Variants in HDAC2 observed in about 807,000 individuals in gnomAD.
HDAC2 encodes histone deacetylase 2, also known as YY1-associated factor 1.
In HDAC2, 5 loss-of-function variants were observed where a neutral mutation model predicts 68.5. The ratio of observed to expected loss-of-function variants is 0.07; its 90% CI spans 0.04 to 0.15. The LOEUF (loss-of-function observed/expected upper bound fraction) is 0.15. Ranked by LOEUF, HDAC2 falls within the 10% of genes least tolerant of loss-of-function variation. The pLI, the probability that HDAC2 is intolerant of heterozygous loss-of-function variation, is 1.00. For missense variants in HDAC2, 291 were observed against 600.8 expected (o/e 0.48, Z 5.39); for synonymous variants, 182 against 191.3 (o/e 0.95, Z 0.40).
chr6:113,965,569 C>T (rs961400048), intron 1 of HDAC2, among the ~76,000 whole-genome samples: 3 of 152,112 alleles, frequency 2.0e-5, no homozygotes, highest in South Asian at 2.1e-4. Context: ...GAGAGGGTTT[C>T]GCCATGTTGG....
chr6:113,957,768 G>T (rs944250004), intron 3 of HDAC2, among the ~76,000 whole-genome samples: 27 of 152,042 alleles, frequency 1.8e-4, no homozygotes, highest in African/African-American at 6.3e-4. Context: ...GATTACAGGC[G>T]TGAGCCACCA....
At chr6:113,966,034 G>GA (rs1427361748) in intron 1 of HDAC2, among the ~76,000 whole-genome samples, 1 of 151,922 alleles carries the variant, frequency 6.6e-6, no homozygotes, top group East Asian at 1.9e-4. Context: ...CTTTGAAAAG[G>GA]AAAAAAGAAA....
In HDAC2 at chr6:113,955,974, C is replaced by CTTTATCACTG. The variant is rs1776544481; in HGVS notation, c.497+29_497+38dup. ...TATTTATTGTGTTTTAATGAAAACA[C>CTTTATCACTG]TTTATCACTGAAAAGAGTATCAATA... On this transcript the variant is annotated intron_variant, in intron 5 of 13. Transcript: ENST00000519065. The CTTTATCACTG allele has an allele frequency of 7.5e-6, 11 of 1,474,516 alleles. No individual in the cohort carries two copies. In the East Asian group the frequency reaches 2.6e-4, roughly 35 times the overall value. 91.3% of individuals were successfully genotyped at this position (1,474,516 alleles called of 1,614,324 possible).
chr6:113,966,482 G>C (rs1395916721), intron 1 of HDAC2, among the ~76,000 whole-genome samples: 1 of 151,570 alleles, frequency 6.6e-6, no homozygotes, highest in Non-Finnish European at 1.5e-5. Context: ...AACCCGGGAG[G>C]GTAGTGGAGG....
chr6:113,933,233 A>G lies in HDAC2; in HGVS notation c.*7825T>C, dbSNP rs552955608. The G allele has an allele frequency of 4.6e-5, 7 of 152,204 alleles. No individual in the cohort carries two copies. The highest frequency in any genetic ancestry group is 1.0e-4 in the Non-Finnish European group (7 of 68,036). The allele number at this position is 152,204 out of a possible 1,614,324, so 9.4% of individuals were successfully genotyped here. On this transcript the variant is annotated 3_prime_UTR_variant, in exon 14 of 14. Transcript: ENST00000519065. The stretch of plus-strand genomic sequence containing the variant: ...GTAATGAGAGAAATTGAAATCATGC[A>G]TTACCTGACTGGGTGCACTGAGAAC...
intron 1 of HDAC2, among the ~76,000 whole-genome samples, chr6:113,969,351 T>C (rs1421623156): frequency 6.6e-6 from 1 of 152,252 alleles, no homozygotes; most frequent in African/African-American, 2.4e-5. Flanking sequence ...GGTTATTTTA[T>C]ATGTATCAGT....
At chr6:113,968,058 A>G (rs1299332639) in intron 1 of HDAC2, among the ~76,000 whole-genome samples, 1 of 152,222 alleles carries the variant, frequency 6.6e-6, no homozygotes, top group Non-Finnish European at 1.5e-5. Context: ...ATATGTATAT[A>G]TTTAAAAGTT....
At chr6:113,946,188 C>T in intron 8 of HDAC2, 40 bp from the exon 9 acceptor site, 3 of 1,535,214 alleles carry the variant, frequency 2.0e-6, no homozygotes, top group Non-Finnish European at 2.7e-6. Context: ...AATCTGCATA[C>T]TGCAACAGTT....
chr6:113,957,122 C>G (rs1281625931), intron 3 of HDAC2: 3 of 154,568 alleles, frequency 1.9e-5, no homozygotes, highest in Non-Finnish European at 4.3e-5. Context: ...CTTTGAAATG[C>G]ATGTCAGTAA....
intron 6 of HDAC2, 86 bp from the exon 7 acceptor site, chr6:113,949,346 A>C (rs1776344593): frequency 1.3e-6 from 1 of 799,590 alleles, no homozygotes; most frequent in Non-Finnish European, 2.1e-6. Flanking sequence ...AAAGACTGAA[A>C]GACTAAGTAT....
At chr6:113,941,441 C>T (rs745755773) in intron 13 of HDAC2, among the ~76,000 whole-genome samples, 42 of 151,966 alleles carry the variant, frequency 2.8e-4, no homozygotes, top group Admixed American at 5.2e-4. Context: ...CCATTAAGTG[C>T]ATATATAAAA....
intron 1 of HDAC2, chr6:113,968,671 G>T (rs1485430541): frequency 6.6e-6 from 1 of 152,112 alleles, no homozygotes; most frequent in Middle Eastern, 3.2e-3. Context: ...ACTTGTTGCT[G>T]GCCATCACGT....
At chr6:113,943,232 A>T in intron 12 of HDAC2, 119 bp downstream of exon 12, 1 of 696,004 alleles carries the variant, frequency 1.4e-6, no homozygotes, top group Non-Finnish European at 2.4e-6. Context: ...AGAGTCACCT[A>T]CCTAGCATAC....
intron 10 of HDAC2, 126 bp from the exon 11 acceptor site, chr6:113,944,536 TC>T (rs1195479660): frequency 1.3e-6 from 1 of 749,398 alleles, no homozygotes; most frequent in Non-Finnish European, 2.2e-6. Context: ...AAAAGGTCTC[TC>T]TTTGTTGCCC....
rs1409893764 is a variant in HDAC2 at position 113,956,131 on chromosome 6, G to T, written c.379C>A (p.Arg127=). 49 of 1,602,682 alleles carry T rather than the reference G, an allele frequency of 3.1e-5. No homozygotes were observed. Among genetic ancestry groups the T allele is most frequent in the Non-Finnish European group, 4.0e-5 (47 of 1,176,604 alleles). The part of the protein sequence containing the change: ...GSVAGAVKLN[R]QQTDMAVNWA... ...TTAACAGCCATATCAGTCTGTTGTC[G>T]GTTTAACTTCACAGCTCCAGCTAAG... The change falls in exon 5 of 14, where the codon CGA becomes AGA. Residue 127 remains arginine (R), a synonymous_variant. Coordinates refer to ENST00000519065, the MANE Select transcript of HDAC2 (RefSeq NM_001527.4).
rs1299262482 is a variant in HDAC2 at position 113,937,465 on chromosome 6, G to A, written c.*3593C>T. 1.3e-5 allele frequency: 2 copies of A among 152,176 alleles called. No individual in the cohort carries two copies. Among genetic ancestry groups the A allele is most frequent in the Non-Finnish European group, 2.9e-5 (2 of 68,028 alleles). 9.4% of individuals were successfully genotyped at this position (152,176 alleles called of 1,614,324 possible). On this transcript the variant is annotated 3_prime_UTR_variant, in exon 14 of 14. Coordinates refer to ENST00000519065, the MANE Select transcript of HDAC2 (RefSeq NM_001527.4). ...ATGCCATAGAGAACTGAGACAATGT[G>A]GCACCTTCATTAAATGAATTAAAGA...
chr6:113,943,216 GAA>G (rs1196115375), intron 12 of HDAC2, 133 bp downstream of exon 12: 106 of 628,648 alleles, frequency 1.7e-4, no homozygotes, highest in South Asian at 1.4e-3. Flanking sequence ...TTATATGTAA[GAA>G]AAAAGAGTCA....
intron 6 of HDAC2, among the ~76,000 whole-genome samples, chr6:113,951,815 C>G (rs1354130965): frequency 6.6e-6 from 1 of 152,154 alleles, no homozygotes; most frequent in Admixed American, 6.5e-5. Flanking sequence ...GAAAGCCATT[C>G]TCAAATCCTT....
Position 113,953,301 on chromosome 6 carries a change from G to A in HDAC2, c.615C>T (p.Tyr205=), listed in dbSNP as rs1776466043. The A allele has an allele frequency of 6.2e-6, 10 of 1,610,936 alleles. No homozygotes were observed. The highest frequency in any genetic ancestry group is 7.6e-6 in the Non-Finnish European group (9 of 1,177,704). Residue 205 remains tyrosine, a synonymous_variant, in exon 6 of 14, where the codon TAC becomes TAT. Coordinates refer to ENST00000519065, the MANE Select transcript of HDAC2 (RefSeq NM_001527.4). ...MTVSFHKYGE[Y]FPGTGDLRDI... is the part of the protein sequence containing the mutation. ...CCCTCAAGTCTCCTGTGCCAGGAAA[G>A]TATTCCCCATATTTATGGAATGATA...
Sources: gnomAD v4.1 joint callset for allele counts (sites outside exome capture counted in the v4.1 genomes callset) on GRCh38, gnomAD v4.1.1 for gene constraint, MANE v1.5 for transcripts, NCBI Gene and HGNC (gene_info 2026-07-23, HGNC 2026-07-21) for gene names.